Variants in ZNF804B observed in about 807,000 individuals in gnomAD.
The protein encoded by ZNF804B is zinc finger 804B.
ZNF804B carries 80 observed loss-of-function variants against 101.4 expected under a neutral mutation model. The observed-to-expected ratio is 0.79, with a 90% confidence interval of 0.66 to 0.95. The LOEUF (loss-of-function observed/expected upper bound fraction) is 0.95, where lower values mean the gene tolerates loss of function less well. Among genes scored for constraint, ZNF804B ranks in the 40% least tolerant of loss-of-function variants. ZNF804B has a pLI of 0.00. For synonymous variants in ZNF804B, 622 were observed against 558.8 expected (o/e 1.11, Z -1.59); for missense variants, 1,673 against 1,561.9 (o/e 1.07, Z -1.20).
chr7:89,236,114 T>G (rs904614358), intron 2 of ZNF804B, among the ~76,000 whole-genome samples: 4 of 152,150 alleles, frequency 2.6e-5, no homozygotes, highest in Admixed American at 1.3e-4. Flanking sequence ...TTATCATTAC[T>G]TGGCCTCCAT....
chr7:89,335,334 C>A lies in ZNF804B; in HGVS notation c.2352C>A (p.Asn784Lys), dbSNP rs768696000. The A allele has an allele frequency of 1.9e-6, 3 of 1,613,588 alleles. No individual in the cohort carries two copies. The highest frequency in any genetic ancestry group is 2.5e-6 in the Non-Finnish European group (3 of 1,179,942). Residue 784 changes from asparagine to lysine, a missense_variant, in exon 4 of 4, where the codon AAC (asparagine) becomes AAA (lysine). Transcript: ENST00000333190. ...QMQSEPQKER[N>K]CKLWESFKNE... Reference sequence around the variant, plus strand: ...AGTCTGAACCACAGAAAGAGAGGAACTGCAAATTGTGGGAATCATTTAAAA... The same window carrying A: ...AGTCTGAACCACAGAAAGAGAGGAAATGCAAATTGTGGGAATCATTTAAAA...
At chr7:88,891,007 A>G (rs1792205995) in intron 1 of ZNF804B, among the ~76,000 whole-genome samples, 1 of 151,746 alleles carries the variant, frequency 6.6e-6, no homozygotes, top group Non-Finnish European at 1.5e-5. Flanking sequence ...GTTTTGTTTT[A>G]TCCTCCTCAA....
Position 88,787,408 on chromosome 7 carries a change from C to T in ZNF804B, c.108+27324C>T, listed in dbSNP as rs144261567. Reference sequence around the variant, plus strand: ...TGAACTCTGTGAGTAAGTGTTTATGCACACTTCTTTAAAGATGTTCCTTCT... The same window carrying T: ...TGAACTCTGTGAGTAAGTGTTTATGTACACTTCTTTAAAGATGTTCCTTCT... On this transcript the variant is annotated intron_variant, in intron 1 of 3. Transcript: ENST00000333190. Among the ~76,000 whole-genome samples the T allele has an allele frequency of 1.9e-3, 290 of 152,170 alleles. 1 individual carries two copies. Among genetic ancestry groups the T allele is most frequent in the African/African-American group, 6.7e-3 (279 of 41,526 alleles).
intron 1 of ZNF804B, among the ~76,000 whole-genome samples, chr7:88,852,642 G>A (rs1248815515): frequency 2.6e-5 from 4 of 152,096 alleles, no homozygotes; most frequent in African/African-American, 9.7e-5. Flanking sequence ...AACATTTAAT[G>A]AGTGTTTACT....
intron 2 of ZNF804B, among the ~76,000 whole-genome samples, chr7:89,279,116 G>T (rs1053989317): frequency 1.6e-4 from 25 of 152,198 alleles, no homozygotes; most frequent in African/African-American, 6.0e-4. Flanking sequence ...TGAAGCAATT[G>T]TGAATGGGAG....
At chr7:89,086,436 TA>T (rs1789802462) in intron 1 of ZNF804B, among the ~76,000 whole-genome samples, 1 of 152,006 alleles carries the variant, frequency 6.6e-6, no homozygotes, top group Admixed American at 6.6e-5. Flanking sequence ...CTAGTGCATT[TA>T]CCAAACAGCT....
At chr7:88,967,914 C>G (rs1372095681) in intron 1 of ZNF804B, among the ~76,000 whole-genome samples, 1 of 151,418 alleles carries the variant, frequency 6.6e-6, no homozygotes, top group Non-Finnish European at 1.5e-5. Flanking sequence ...TACAGCCATA[C>G]CACCCCAAAT....
At chr7:88,924,385 T>C (rs764618791) in intron 1 of ZNF804B, among the ~76,000 whole-genome samples, 2 of 152,164 alleles carry the variant, frequency 1.3e-5, no homozygotes, top group Non-Finnish European at 2.9e-5. Flanking sequence ...TGTCTGATTT[T>C]CCTGTTCTTA....
intron 1 of ZNF804B, among the ~76,000 whole-genome samples, chr7:89,113,046 G>C (rs1279941232): frequency 6.6e-6 from 1 of 152,148 alleles, no homozygotes; most frequent in East Asian, 1.9e-4. Flanking sequence ...AATAGATGTG[G>C]GGGAGAATAT....
intron 1 of ZNF804B, among the ~76,000 whole-genome samples, chr7:88,946,190 T>C (rs1793125417): frequency 6.6e-6 from 1 of 151,994 alleles, no homozygotes; most frequent in African/African-American, 2.4e-5. Context: ...GAATGTCCAC[T>C]TTTGCCCATT....
intron 2 of ZNF804B, among the ~76,000 whole-genome samples, chr7:89,273,366 A>C (rs1789928121): frequency 6.6e-6 from 1 of 152,140 alleles, no homozygotes; most frequent in Non-Finnish European, 1.5e-5. Flanking sequence ...TTCTAATGAC[A>C]TCTCAAGGGT....
chr7:89,243,164 C>CATT (rs1182249267), intron 2 of ZNF804B, among the ~76,000 whole-genome samples: 1 of 151,656 alleles, frequency 6.6e-6, no homozygotes, highest in Non-Finnish European at 1.5e-5. Flanking sequence ...GAAGTCCTAT[C>CATT]ATTACTCTTG....
chr7:88,788,248 C>A (rs577318522), intron 1 of ZNF804B, among the ~76,000 whole-genome samples: 3 of 152,144 alleles, frequency 2.0e-5, no homozygotes, highest in Admixed American at 2.0e-4. Context: ...AAATCCAGAA[C>A]CCCTAATCAT....
intron 2 of ZNF804B, among the ~76,000 whole-genome samples, chr7:89,219,799 G>A (rs539641778): frequency 1.0e-4 from 15 of 150,560 alleles, no homozygotes; most frequent in South Asian, 8.3e-4. Flanking sequence ...TAAATCTTTC[G>A]TCAGACATCA....
intron 1 of ZNF804B, among the ~76,000 whole-genome samples, chr7:89,158,447 T>C (rs1375560110): frequency 6.6e-6 from 1 of 152,136 alleles, no homozygotes; most frequent in Non-Finnish European, 1.5e-5. Flanking sequence ...GATCATTTTC[T>C]CTTTTCCGGT....
rs1464134021 is a variant in ZNF804B at position 88,968,053 on chromosome 7, A to G, written c.108+207969A>G. 4.0e-5 allele frequency among the ~76,000 whole-genome samples: 6 copies of G among 151,558 alleles called. No homozygotes were observed. The East Asian group carries it at 9.8e-4, about 25-fold the overall frequency. On this transcript the variant is annotated intron_variant, in intron 1 of 3. Transcript: ENST00000333190. ...ATTTAAAAAATAAGAGTGTGACTATATTCTAACCTTTCAAAAAAAATTCAT... is the reference window on the plus strand; with the variant it reads ...ATTTAAAAAATAAGAGTGTGACTATGTTCTAACCTTTCAAAAAAAATTCAT...
At chr7:89,105,218 T>A (rs1790117235) in intron 1 of ZNF804B, among the ~76,000 whole-genome samples, 1 of 152,080 alleles carries the variant, frequency 6.6e-6, no homozygotes, top group South Asian at 2.1e-4. Flanking sequence ...CTGAGCATGG[T>A]CCAGTCTTAA....
Position 88,967,657 on chromosome 7 carries a change from C to T in ZNF804B, c.108+207573C>T, listed in dbSNP as rs550440640. On this transcript the variant is annotated intron_variant, in intron 1 of 3. Coordinates refer to ENST00000333190, the MANE Select transcript of ZNF804B (RefSeq NM_181646.5). ...TCTAGAGCAGCTGATGAATAACAAA[C>T]GAATACATTCTTATCTTTCAGGGTA... Among the ~76,000 whole-genome samples the T allele has an allele frequency of 6.7e-4, 96 of 143,954 alleles. 1 individual carries two copies. The South Asian group carries it at 0.016, about 24-fold the overall frequency. The allele number at this position is 143,954 out of a possible 152,430, so 94.4% of individuals were successfully genotyped here.
chr7:89,079,763 G>A (rs573680695), intron 1 of ZNF804B, among the ~76,000 whole-genome samples: 15 of 151,970 alleles, frequency 9.9e-5, no homozygotes, highest in East Asian at 1.9e-4. Context: ...TGACTTTTGC[G>A]TAAACATGAC....
Sources: gnomAD v4.1 joint callset for allele counts (sites outside exome capture counted in the v4.1 genomes callset) on GRCh38, gnomAD v4.1.1 for gene constraint, MANE v1.5 for transcripts, NCBI Gene and HGNC (gene_info 2026-07-23, HGNC 2026-07-21) for gene names.